CUX1: variants seen among roughly 807,000 people sequenced by gnomAD.
The protein encoded by CUX1 is cut like homeobox 1.
In CUX1, 31 loss-of-function variants were observed where a neutral mutation model predicts 158.8. That is an observed-to-expected ratio of 0.20 (90% CI 0.15 to 0.26). CUX1 has a LOEUF of 0.26. Among genes scored for constraint, CUX1 ranks in the 10% least tolerant of loss-of-function variants. The pLI, the probability that CUX1 is intolerant of heterozygous loss-of-function variation, is 1.00. For synonymous variants in CUX1, 879 were observed against 862.1 expected (o/e 1.02, Z -0.34); for missense variants, 1,589 against 2,014.6 (o/e 0.79, Z 4.04).
intron 8 of CUX1, among the ~76,000 whole-genome samples, chr7:102,135,935 C>T (rs1554498630): frequency 6.6e-6 from 1 of 151,586 alleles, no homozygotes; most frequent in African/African-American, 2.4e-5. Flanking sequence ...GATCACGCCA[C>T]CACACACCAG....
chr7:102,243,150 T>C (rs1428949342), intron 23 of CUX1, among the ~76,000 whole-genome samples: 1 of 152,060 alleles, frequency 6.6e-6, no homozygotes, highest in East Asian at 1.9e-4. Flanking sequence ...GGGGTGCGCC[T>C]GTAATCCCAG....
At position 102,265,303 on chromosome 7, in the gene CUX1, C is replaced by T. The variant is rs140778567; in HGVS notation, c.1256-8063C>T. ...CCCCGGAGGCAGAGGTTGCAGTGAG[C>T]CGAGATTACACCACTATACTCCAGC... On this transcript the variant is annotated intron_variant, in intron 14 of 22. Coordinates refer to the CUX1 transcript ENST00000292538. Among the ~76,000 whole-genome samples the T allele has an allele frequency of 8.3e-3, 1,251 of 150,938 alleles. 18 individuals are homozygous for T. The highest frequency in any genetic ancestry group is 0.029 in the African/African-American group (1,206 of 41,036).
chr7:102,009,779 A>T (rs145598187), intron 2 of CUX1, among the ~76,000 whole-genome samples: 3 of 152,330 alleles, frequency 2.0e-5, no homozygotes, highest in Non-Finnish European at 4.4e-5. Flanking sequence ...TCTCTAGTAC[A>T]TGTTCCTGTA....
intron 8 of CUX1, among the ~76,000 whole-genome samples, chr7:102,121,435 TC>T (rs1832036665): frequency 6.7e-6 from 1 of 149,332 alleles, no homozygotes; most frequent in Non-Finnish European, 1.5e-5. Context: ...ATCCTCCGCC[TC>T]CCGGGTTCAA....
At chr7:101,889,879 G>A (rs1409484229) in intron 1 of CUX1, among the ~76,000 whole-genome samples, 2 of 152,182 alleles carry the variant, frequency 1.3e-5, no homozygotes, top group East Asian at 1.9e-4. Flanking sequence ...CTTACAAGTC[G>A]CTTGTAGGGT....
chr7:101,896,484 G>A (rs1053047841), intron 1 of CUX1, among the ~76,000 whole-genome samples: 3 of 152,226 alleles, frequency 2.0e-5, no homozygotes, highest in African/African-American at 4.8e-5. Flanking sequence ...TATTGCTTCT[G>A]ACAGCTCTGC....
chr7:102,278,328 G>T (rs1411768030), intron 18 of CUX1, among the ~76,000 whole-genome samples: 1 of 152,234 alleles, frequency 6.6e-6, no homozygotes, highest in Non-Finnish European at 1.5e-5. Context: ...GGTGGCTCAT[G>T]CCTGTCATCC....
At chr7:101,959,294 A>T (rs760011183) in intron 2 of CUX1, 1 of 151,764 alleles carries the variant, frequency 6.6e-6, no homozygotes, top group Non-Finnish European at 1.5e-5. Context: ...CGTGGCTAAG[A>T]CAAGGGTATT....
chr7:102,182,727 T>C (rs1793227610), intron 11 of CUX1, among the ~76,000 whole-genome samples: 1 of 152,240 alleles, frequency 6.6e-6, no homozygotes, highest in South Asian at 2.1e-4. Context: ...GGCTGCTTTT[T>C]GATAACTCTC....
intron 23 of CUX1, among the ~76,000 whole-genome samples, chr7:102,240,263 T>G (rs980829692): frequency 4.6e-5 from 7 of 152,186 alleles, no homozygotes; most frequent in African/African-American, 1.7e-4. Flanking sequence ...TATTTATAGT[T>G]ATATTCATAT....
intron 3 of CUX1, among the ~76,000 whole-genome samples, chr7:102,058,869 A>G (rs1413100282): frequency 1.3e-5 from 2 of 152,216 alleles, no homozygotes; most frequent in Admixed American, 6.5e-5. Flanking sequence ...GAGCAGCAGT[A>G]GGAATCTGTG....
In CUX1 at chr7:102,257,489, A is replaced by T; in HGVS notation, c.*8447A>T. On this transcript the variant is annotated 3_prime_UTR_variant, in exon 24 of 24. Transcript: ENST00000292535. ...CAAAATTCTTAAAACATTGGAGAAT[A>T]GCTTGTTATAAAATAAAAGTGGGGG... The T allele has an allele frequency of 2.0e-6, 2 of 985,370 alleles. No individual in the cohort carries two copies. The highest frequency in any genetic ancestry group is 2.4e-6 in the Non-Finnish European group (2 of 829,916). The allele number at this position is 985,370 out of a possible 1,614,324, so 61.0% of individuals were successfully genotyped here.
At chr7:102,211,148 G>C (rs563548637) in intron 20 of CUX1, among the ~76,000 whole-genome samples, 1 of 152,218 alleles carries the variant, frequency 6.6e-6, no homozygotes, top group East Asian at 1.9e-4. Context: ...CCACAGCACT[G>C]TCTAAAGCAG....
At chr7:102,162,376 T>C (rs1353133850) in intron 9 of CUX1, among the ~76,000 whole-genome samples, 1 of 151,960 alleles carries the variant, frequency 6.6e-6, no homozygotes, top group African/African-American at 2.4e-5. Context: ...TGGGTTCAAG[T>C]GATTCCCCTG....
At chr7:101,918,774 T>A (rs1563008528) in intron 2 of CUX1, among the ~76,000 whole-genome samples, 2 of 152,210 alleles carry the variant, frequency 1.3e-5, no homozygotes, top group South Asian at 2.1e-4. Flanking sequence ...ACTTTTTTTT[T>A]ATTTTTTGAG....
At chr7:101,894,768 A>G (rs1783381393) in intron 1 of CUX1, among the ~76,000 whole-genome samples, 1 of 152,170 alleles carries the variant, frequency 6.6e-6, no homozygotes, top group South Asian at 2.1e-4. Context: ...TATGGTGGGG[A>G]CAGCACTGCT....
chr7:102,242,647 A>T (rs1800347979), intron 23 of CUX1, among the ~76,000 whole-genome samples: 2 of 152,226 alleles, frequency 1.3e-5, no homozygotes, highest in Non-Finnish European at 2.9e-5. Context: ...CTGGGCATAG[A>T]TGCTACCAAT....
intron 1 of CUX1, among the ~76,000 whole-genome samples, chr7:101,878,447 G>A (rs1008541093): frequency 2.0e-4 from 30 of 152,204 alleles, no homozygotes; most frequent in African/African-American, 6.8e-4. Flanking sequence ...GGCTGGCAAG[G>A]TGTGGCTGGG....
intron 2 of CUX1, among the ~76,000 whole-genome samples, chr7:102,012,360 G>A (rs977837424): frequency 1.6e-4 from 24 of 152,044 alleles, no homozygotes; most frequent in African/African-American, 5.3e-4. Context: ...GCTAATTTTT[G>A]TATTTTTAGT....
Sources: gnomAD v4.1 joint callset for allele counts (sites outside exome capture counted in the v4.1 genomes callset) on GRCh38, gnomAD v4.1.1 for gene constraint, MANE v1.5 for transcripts, NCBI Gene and HGNC (gene_info 2026-07-23, HGNC 2026-07-21) for gene names.